Variants in ATP2B2 observed in about 807,000 individuals in gnomAD.
ATP2B2 encodes the protein ATPase plasma membrane Ca2+ transporting 2, also known as plasma membrane calcium-transporting ATPase 2.
ATP2B2 carries 15 observed loss-of-function variants against 120.0 expected under a neutral mutation model. The ratio of observed to expected loss-of-function variants is 0.12; its 90% confidence interval spans 0.08 to 0.19. The LOEUF (loss-of-function observed/expected upper bound fraction) is 0.19, where lower values mean the gene tolerates loss of function less well. Ranked by LOEUF, ATP2B2 falls within the 10% of genes least tolerant of loss-of-function variation. ATP2B2 has a pLI of 1.00. For synonymous variants in ATP2B2, 694 were observed against 700.3 expected (o/e 0.99, Z 0.14); for missense variants, 1,045 against 1,719.8 (o/e 0.61, Z 6.94).
chr3:10,610,339 C>T (rs1377580238), intron 2 of ATP2B2, among the ~76,000 whole-genome samples: 1 of 151,942 alleles, frequency 6.6e-6, no homozygotes, highest in African/African-American at 2.4e-5. Context: ...GCCTCTAGAT[C>T]ACAGATACTA....
At chr3:10,465,810 G>A (rs192700865) in intron 1 of ATP2B2, among the ~76,000 whole-genome samples, 2 of 152,216 alleles carry the variant, frequency 1.3e-5, no homozygotes, top group Admixed American at 6.5e-5. Context: ...TGGGTGCTAG[G>A]TTGGGGGGCG....
At chr3:10,657,578 G>A (rs2070667682) in intron 1 of ATP2B2, among the ~76,000 whole-genome samples, 1 of 152,236 alleles carries the variant, frequency 6.6e-6, no homozygotes, top group African/African-American at 2.4e-5. Flanking sequence ...TGTGGCTTGA[G>A]TAGGTAAACA....
At chr3:10,390,121 T>G (rs911191150) in intron 5 of ATP2B2, among the ~76,000 whole-genome samples, 5 of 152,196 alleles carry the variant, frequency 3.3e-5, no homozygotes, top group African/African-American at 9.7e-5. Context: ...CTGGACAGTG[T>G]CACAGAGGCC....
chr3:10,395,481 G>C (rs1368217634), intron 5 of ATP2B2, among the ~76,000 whole-genome samples: 1 of 152,240 alleles, frequency 6.6e-6, no homozygotes. Flanking sequence ...GTGTCTAGCG[G>C]GAGAAGGCCA....
At chr3:10,654,800 A>G (rs1406175706) in intron 1 of ATP2B2, among the ~76,000 whole-genome samples, 1 of 149,422 alleles carries the variant, frequency 6.7e-6, no homozygotes, top group African/African-American at 2.5e-5. Context: ...AAAAACGCAG[A>G]CTCTGGGGCT....
At chr3:10,338,408 C>G (rs763806368) in intron 21 of ATP2B2, 50 bp from the exon 22 acceptor site, 3 of 1,605,770 alleles carry the variant, frequency 1.9e-6, no homozygotes, top group Non-Finnish European at 2.6e-6. Context: ...TTCCCAGTGG[C>G]CTTCTCTCCC....
At position 10,350,198 on chromosome 3, in the gene ATP2B2, A is replaced by G. The variant is rs764534165; in HGVS notation, c.2318T>C (p.Ile773Thr). Residue 773 changes from isoleucine to threonine, a missense_variant and splice_region_variant, in exon 16 of 23, where the codon ATT becomes ACT. Physicochemically the swap from Ile to Thr is moderately conservative, Grantham distance 89. This residue lies in a region of ATP2B2 where 343 missense variants were observed against 536.8 expected (regional missense o/e 0.64). Coordinates refer to ENST00000360273, the MANE Select transcript of ATP2B2 (RefSeq NM_001001331.4). The stretch of plus-strand genomic sequence containing the variant: ...GATCTTGTCAATTCGCTCCTGCTCA[A>G]TCTGGAGAGGGATGGGGAAGGGGGC... ...NRRIRNEKGE[I>T]EQERIDKIWP... The G allele has an allele frequency of 8.0e-6, 11 of 1,372,106 alleles. No homozygotes were observed. Among genetic ancestry groups the G allele is most frequent in the Non-Finnish European group, 1.0e-5 (10 of 1,000,884 alleles). The allele number at this position is 1,372,106 out of a possible 1,614,324, so 85.0% of individuals were successfully genotyped here.
chr3:10,475,575 G>T (rs748847859), intron 1 of ATP2B2, among the ~76,000 whole-genome samples: 1 of 152,192 alleles, frequency 6.6e-6, no homozygotes, highest in Admixed American at 6.5e-5. Context: ...TCACTGCCTT[G>T]CTCTGGGACT....
intron 2 of ATP2B2, among the ~76,000 whole-genome samples, chr3:10,609,764 C>T (rs572325735): frequency 7.3e-4 from 111 of 152,254 alleles, no homozygotes; most frequent in African/African-American, 2.6e-3. Context: ...CTTTAGATGG[C>T]TCAGGGCTGA....
At position 10,386,416 on chromosome 3, in the gene ATP2B2, C is replaced by A. The variant is rs2061681141; in HGVS notation, c.940+64G>T. ...GTGTGCTGGTGGTCTAGGGGCAGGG[C>A]CCAATGACCAAAGCCTGCTGCTATT... On this transcript the variant is annotated intron_variant, in intron 7 of 22. Transcript: ENST00000360273. 16 of 1,567,890 alleles carry A rather than the reference C, an allele frequency of 1.0e-5. No individual in the cohort carries two copies. In the South Asian group the frequency reaches 1.7e-4, roughly 16 times the overall value.
chr3:10,698,371 A>G (rs1013143491), intron 1 of ATP2B2, among the ~76,000 whole-genome samples: 4 of 152,234 alleles, frequency 2.6e-5, no homozygotes, highest in Admixed American at 1.3e-4. Flanking sequence ...TTTTGATGGC[A>G]TGGATGAGCC....
intron 3 of ATP2B2, among the ~76,000 whole-genome samples, chr3:10,406,813 T>A (rs975410319): frequency 3.3e-5 from 5 of 152,208 alleles, no homozygotes; most frequent in African/African-American, 1.2e-4. Flanking sequence ...ACCAGCCCTG[T>A]CTTACAGAGG....
Position 10,701,655 on chromosome 3 carries a change from G to C in ATP2B2, c.-460+6260C>G, listed in dbSNP as rs78807509. Among the ~76,000 whole-genome samples the C allele has an allele frequency of 9.2e-3, 1,344 of 146,682 alleles. 24 individuals are homozygous for C. Among genetic ancestry groups the C allele is most frequent in the African/African-American group, 0.032 (1,275 of 39,754 alleles). On this transcript the variant is annotated intron_variant, in intron 1 of 21. Transcript: ENST00000646379. Reference sequence around the variant, plus strand: ...TAAGACAAGACCCATCATTTCTTTTGTTTGCAACTTAGGTTTGCTTCCTAT... The same window carrying C: ...TAAGACAAGACCCATCATTTCTTTTCTTTGCAACTTAGGTTTGCTTCCTAT...
In ATP2B2 at chr3:10,375,370, C is replaced by T; in HGVS notation, c.1416+60G>A. 1.4e-6 allele frequency: 2 copies of T among 1,446,810 alleles called. No individual in the cohort carries two copies. The highest frequency in any genetic ancestry group is 1.9e-6 in the Non-Finnish European group (2 of 1,037,568). 89.6% of individuals were successfully genotyped at this position (1,446,810 alleles called of 1,614,324 possible). A position where few individuals can be genotyped will look rare whatever the true frequency, so the allele number is the denominator to read the frequency against. On this transcript the variant is annotated intron_variant, in intron 11 of 22. Transcript: ENST00000360273. This position sits in a 1 kb window ranked among gnomAD's most constrained non-coding sequence, Gnocchi z 4.2. ...AACCCCAGCACCAGCCCCAGTGATT[C>T]CCCCAGGCCCTCAGCTGCAGCTGCA...
chr3:10,386,418 C>T, intron 7 of ATP2B2, 62 bp downstream of exon 7: 2 of 1,577,868 alleles, frequency 1.3e-6, no homozygotes, highest in Non-Finnish European at 8.7e-7. Flanking sequence ...GGGCAGGGCC[C>T]AATGACCAAA....
At chr3:10,407,413 C>T (rs2062452148) in intron 3 of ATP2B2, among the ~76,000 whole-genome samples, 1 of 152,220 alleles carries the variant, frequency 6.6e-6, no homozygotes, top group Non-Finnish European at 1.5e-5. Context: ...CTTTCCTTTT[C>T]CTCCTTCCCT....
chr3:10,411,080 T>C (rs1039660107), intron 2 of ATP2B2, among the ~76,000 whole-genome samples: 4 of 152,108 alleles, frequency 2.6e-5, no homozygotes, highest in Admixed American at 1.3e-4. Context: ...TTTGGGAAAA[T>C]AGTCCTGTTG....
At chr3:10,364,106 T>C (rs769624743) in intron 12 of ATP2B2, among the ~76,000 whole-genome samples, 2 of 152,232 alleles carry the variant, frequency 1.3e-5, no homozygotes, top group Non-Finnish European at 2.9e-5. Context: ...GAGGACATTA[T>C]GCTAAGTGAA....
At chr3:10,433,831 C>A (rs1379738990) in intron 2 of ATP2B2, among the ~76,000 whole-genome samples, 1 of 152,110 alleles carries the variant, frequency 6.6e-6, no homozygotes, top group Admixed American at 6.6e-5. Context: ...CTAAAGCTGC[C>A]CCTCCCTCAG....
Sources: gnomAD v4.1 joint callset for allele counts (sites outside exome capture counted in the v4.1 genomes callset) on GRCh38, gnomAD v4.1.1 for gene constraint, gnomAD v4.1.1 regional missense constraint, Gnocchi (gnomAD v3.1) non-coding constraint, MANE v1.5 for transcripts, NCBI Gene and HGNC (gene_info 2026-07-23, HGNC 2026-07-21) for gene names.